CPQ: variants seen among roughly 807,000 people sequenced by gnomAD.
The protein encoded by CPQ is carboxypeptidase Q.
A neutral mutation model predicts 45.7 loss-of-function variants in CPQ; 37 were observed. The observed-to-expected ratio is 0.81, with a 90% confidence interval of 0.62 to 1.07. CPQ has a LOEUF of 1.07. Among genes scored for constraint, CPQ ranks in the 50% least tolerant of loss-of-function variants. The pLI, the probability that CPQ is intolerant of heterozygous loss-of-function variation, is 0.00. For synonymous variants in CPQ, 186 were observed against 205.8 expected (o/e 0.90, Z 0.82); for missense variants, 537 against 572.9 (o/e 0.94, Z 0.64).
chr8:96,873,914 T>C (rs534144285), intron 3 of CPQ, among the ~76,000 whole-genome samples: 1 of 151,980 alleles, frequency 6.6e-6, no homozygotes, highest in South Asian at 2.1e-4. Flanking sequence ...GTATCTTTTA[T>C]AAGAAGCTAG....
intron 5 of CPQ, among the ~76,000 whole-genome samples, chr8:96,998,101 C>A (rs2130419465): frequency 6.6e-6 from 1 of 152,016 alleles, no homozygotes; most frequent in East Asian, 1.9e-4. Context: ...AGCTATCATA[C>A]CACGCCATGC....
chr8:96,742,026 T>G (rs1286289388), intron 1 of CPQ, among the ~76,000 whole-genome samples: 1 of 144,270 alleles, frequency 6.9e-6, no homozygotes, highest in Non-Finnish European at 1.5e-5. Flanking sequence ...TTCCTGGGTA[T>G]CCTTGTTGAC....
intron 1 of CPQ, among the ~76,000 whole-genome samples, chr8:96,733,322 C>T (rs2130772056): frequency 6.6e-6 from 1 of 152,350 alleles, no homozygotes; most frequent in Admixed American, 6.5e-5. Flanking sequence ...GACATCTCAT[C>T]TCCTGCCTAA....
At chr8:96,833,835 T>A (rs1035394137) in intron 2 of CPQ, among the ~76,000 whole-genome samples, 3 of 152,196 alleles carry the variant, frequency 2.0e-5, no homozygotes, top group Non-Finnish European at 2.9e-5. Flanking sequence ...CCCATTATGA[T>A]GAGGCCTATA....
At chr8:96,761,428 A>C (rs922014627) in intron 1 of CPQ, 1 of 152,138 alleles carries the variant, frequency 6.6e-6, no homozygotes, top group African/African-American at 2.4e-5. Flanking sequence ...GATTTCTCTA[A>C]TGGGGAGCCT....
At chr8:96,793,025 G>A (rs1810870551) in intron 2 of CPQ, among the ~76,000 whole-genome samples, 1 of 151,682 alleles carries the variant, frequency 6.6e-6, no homozygotes, top group African/African-American at 2.4e-5. Flanking sequence ...ACAGCATGGG[G>A]GTTACTGCCC....
chr8:96,785,661 G>A (rs1024684230), intron 2 of CPQ, among the ~76,000 whole-genome samples: 3 of 152,074 alleles, frequency 2.0e-5, no homozygotes, highest in African/African-American at 7.2e-5. Context: ...ATACAAAAAC[G>A]ATGACTTCTT....
At chr8:97,009,797 A>C (rs146994841) in intron 5 of CPQ, among the ~76,000 whole-genome samples, 15 of 152,296 alleles carry the variant, frequency 9.8e-5, no homozygotes, top group Middle Eastern at 3.4e-3. Flanking sequence ...AGGTCTGTGC[A>C]TAGGGTACAG....
chr8:96,890,799 T>C (rs1310552521), intron 4 of CPQ, among the ~76,000 whole-genome samples: 1 of 152,156 alleles, frequency 6.6e-6, no homozygotes, highest in East Asian at 1.9e-4. Flanking sequence ...CAGAATATAA[T>C]GTAGCAGGAA....
At chr8:96,665,897 G>T (rs1808918879) in intron 1 of CPQ, among the ~76,000 whole-genome samples, 1 of 152,120 alleles carries the variant, frequency 6.6e-6, no homozygotes, top group Admixed American at 6.5e-5. Context: ...TTATTATTCA[G>T]ATATGGTGAG....
In CPQ at chr8:96,683,824, A is replaced by G. The variant is rs145371824; in HGVS notation, c.-35+38422A>G. 2.7e-5 allele frequency among the ~76,000 whole-genome samples: 4 copies of G among 146,362 alleles called. No individual in the cohort carries two copies. The East Asian group carries it at 7.9e-4, about 29-fold the overall frequency. ...TTCTTTTCTGTGCTTGGTATACTCT[A>G]TTGTAGAAGCTCTTGATTGTATTTT... is the stretch of plus-strand genomic sequence containing the variant. On this transcript the variant is annotated intron_variant, in intron 1 of 7. Transcript: ENST00000220763.
chr8:96,829,598 T>C (rs1586417509), intron 2 of CPQ, among the ~76,000 whole-genome samples: 1 of 152,252 alleles, frequency 6.6e-6, no homozygotes, highest in East Asian at 1.9e-4. Flanking sequence ...TCTATTTTTG[T>C]CTTCTCTTCT....
At chr8:96,825,313 T>C (rs770490233) in intron 2 of CPQ, among the ~76,000 whole-genome samples, 14 of 151,992 alleles carry the variant, frequency 9.2e-5, no homozygotes, top group Admixed American at 2.6e-4. Flanking sequence ...GGATGTAAGG[T>C]ATAGGAGAGC....
At chr8:96,781,054 T>C (rs1403846979) in intron 1 of CPQ, among the ~76,000 whole-genome samples, 1 of 152,196 alleles carries the variant, frequency 6.6e-6, no homozygotes, top group Non-Finnish European at 1.5e-5. Flanking sequence ...TAGTTTATGA[T>C]TGTGCTTCTC....
intron 1 of CPQ, among the ~76,000 whole-genome samples, chr8:96,705,211 A>G (rs1809517264): frequency 6.6e-6 from 1 of 152,166 alleles, no homozygotes; most frequent in Admixed American, 6.6e-5. Context: ...ATAAGACTCT[A>G]TTTAATTTAC....
intron 1 of CPQ, among the ~76,000 whole-genome samples, chr8:96,772,185 G>T (rs1204471431): frequency 6.6e-6 from 1 of 152,112 alleles, no homozygotes; most frequent in East Asian, 1.9e-4. Context: ...AGATTATTGT[G>T]GTAGTTCAGG....
In CPQ at chr8:96,932,175, AAAGG is replaced by A. The variant is rs144460338; in HGVS notation, c.850-33737_850-33734del. Among the ~76,000 whole-genome samples the A allele has an allele frequency of 5.9e-4, 90 of 151,852 alleles. 1 individual carries two copies. Among genetic ancestry groups the A allele is most frequent in the African/African-American group, 1.1e-3 (47 of 41,318 alleles). ...TGTTTTCATCAGATAACTTGGGAAGAAAGGAAGGAAGGAAGGAAGGAAGGAAATA... is the reference window on the plus strand; with the variant it reads ...TGTTTTCATCAGATAACTTGGGAAGAAAGGAAGGAAGGAAGGAAGGAAATA... On this transcript the variant is annotated intron_variant, in intron 4 of 7. Transcript: ENST00000220763.
chr8:96,906,032 C>T (rs188817238), intron 4 of CPQ, among the ~76,000 whole-genome samples: 25 of 152,162 alleles, frequency 1.6e-4, no homozygotes, highest in South Asian at 6.2e-4. Context: ...GCATGAGAAT[C>T]AGTTGAGGCA....
chr8:97,064,152 T>A (rs1810598645), intron 6 of CPQ, among the ~76,000 whole-genome samples: 1 of 152,130 alleles, frequency 6.6e-6, no homozygotes, highest in South Asian at 2.1e-4. Flanking sequence ...GATTTTCTTG[T>A]TGGAAGAATG....
Sources: allele counts gnomAD v4.1 joint callset (sites outside exome capture counted in the v4.1 genomes callset), GRCh38; gene constraint gnomAD v4.1.1; transcripts MANE v1.5; gene names NCBI Gene and HGNC (gene_info 2026-07-23, HGNC 2026-07-21).